Variants in CDH12 observed in about 807,000 individuals in gnomAD.
The protein encoded by CDH12 is cadherin-12.
CDH12 carries 41 observed loss-of-function variants against 74.1 expected under a neutral mutation model. The ratio of observed to expected loss-of-function variants is 0.55; its 90% CI spans 0.43 to 0.72. The LOEUF (loss-of-function observed/expected upper bound fraction) is 0.72, where lower values mean the gene tolerates loss of function less well. CDH12 is among the 30% of genes least tolerant of loss of function. The probability of loss-of-function intolerance (pLI) is 0.00; values close to 1 mark genes in which losing one functional copy is unlikely to be tolerated. For synonymous variants in CDH12, 399 were observed against 355.0 expected, an observed-to-expected ratio of 1.12 and a Z score of -1.39; for missense variants, 945 against 977.2, an observed-to-expected ratio of 0.97 and a Z score of 0.44.
intron 5 of CDH12, among the ~76,000 whole-genome samples, chr5:21,977,282 TG>T (rs1757109889): frequency 6.6e-6 from 1 of 152,050 alleles, no homozygotes; most frequent in Admixed American, 6.6e-5. Flanking sequence ...AAAAAACTGC[TG>T]TGAAGCATAG....
At chr5:21,791,032 C>T (rs6451996) in intron 10 of CDH12, among the ~76,000 whole-genome samples, 147,259 of 152,014 alleles carry the variant, frequency 0.97, 71,348 homozygotes, top group East Asian at 1. Flanking sequence ...CTGCATGATA[C>T]CCTCCAACAA....
chr5:22,056,786 C>G (rs1180398379), intron 5 of CDH12, among the ~76,000 whole-genome samples: 1 of 152,222 alleles, frequency 6.6e-6, no homozygotes, highest in Admixed American at 6.5e-5. Flanking sequence ...CCCATGATAA[C>G]CTTATGGTTT....
chr5:22,416,220 G>A (rs1378231971), intron 2 of CDH12, among the ~76,000 whole-genome samples: 1 of 150,480 alleles, frequency 6.6e-6, no homozygotes, highest in Middle Eastern at 3.2e-3. Context: ...GACTACAGGC[G>A]CCCGCCACCA....
At chr5:22,192,988 GA>G (rs1052394302) in intron 4 of CDH12, among the ~76,000 whole-genome samples, 2 of 151,922 alleles carry the variant, frequency 1.3e-5, no homozygotes, top group South Asian at 4.1e-4. Context: ...AAGGAAGTCG[GA>G]AAAAAACTGA....
At chr5:22,484,230 T>C (rs1746498125) in intron 2 of CDH12, among the ~76,000 whole-genome samples, 1 of 152,210 alleles carries the variant, frequency 6.6e-6, no homozygotes, top group Non-Finnish European at 1.5e-5. Context: ...AATATATTTA[T>C]GCTAAATTAG....
At chr5:22,161,712 A>T (rs976959485) in intron 4 of CDH12, among the ~76,000 whole-genome samples, 2 of 148,402 alleles carry the variant, frequency 1.3e-5, no homozygotes, top group Non-Finnish European at 3.0e-5. Context: ...GGAAAGAAGG[A>T]AAAAAGATGG....
Position 21,751,903 on chromosome 5 carries a change from G to C in CDH12, c.2219C>G (p.Ala740Gly). The C allele has an allele frequency of 6.2e-7, 1 of 1,614,046 alleles. No individual in the cohort carries two copies. The highest frequency in any genetic ancestry group is 8.5e-7 in the Non-Finnish European group (1 of 1,180,002). The change falls in exon 15 of 15, where the codon GCC becomes GGC. Residue 740 changes from alanine to glycine, a missense_variant. Physicochemically the swap from Ala to Gly is moderately conservative, Grantham distance 60 (BLOSUM62 0). This residue lies in a region of CDH12 where 791 missense variants were observed against 792.8 expected (regional missense o/e 1.00). Transcript: ENST00000382254. ...APPYDSLATY[A>G]YEGSGSVAES... is the part of the protein sequence containing the mutation. ...TGCCACGGACCCACTCCCTTCGTAG[G>C]CATATGTGGCCAGTGAATCGTATGG...
intron 4 of CDH12, among the ~76,000 whole-genome samples, chr5:22,119,496 G>T (rs574077367): frequency 6.6e-6 from 1 of 151,946 alleles, no homozygotes; most frequent in East Asian, 1.9e-4. Context: ...CACCATGTTG[G>T]CCAGGCTGGT....
intron 1 of CDH12, among the ~76,000 whole-genome samples, chr5:22,781,467 T>A (rs1747379721): frequency 6.6e-6 from 1 of 152,150 alleles, no homozygotes; most frequent in Non-Finnish European, 1.5e-5. Flanking sequence ...GCTCTGCAGT[T>A]ACTAAGCCAA....
At chr5:22,036,262 T>C (rs1489005761) in intron 5 of CDH12, among the ~76,000 whole-genome samples, 1 of 152,160 alleles carries the variant, frequency 6.6e-6, no homozygotes, top group Non-Finnish European at 1.5e-5. Flanking sequence ...CTAAGGGTCA[T>C]GTGAAATGCT....
intron 1 of CDH12, among the ~76,000 whole-genome samples, chr5:22,797,122 G>A (rs1297631201): frequency 6.6e-6 from 1 of 150,554 alleles, no homozygotes; most frequent in African/African-American, 2.4e-5. Context: ...TCGGAGGGGG[G>A]CATTTGGGAG....
rs1416834986 is a variant in CDH12 at position 22,529,184 on chromosome 5, TATATAGAG to T, written c.-522-23828_-522-23821del. 7.4e-3 allele frequency among the ~76,000 whole-genome samples: 622 copies of T among 83,622 alleles called. 15 individuals are homozygous for T. Among genetic ancestry groups the T allele is most frequent in the Middle Eastern group, 0.026 (4 of 154 alleles). 54.9% of individuals were successfully genotyped at this position (83,622 alleles called of 152,430 possible). A position where few individuals can be genotyped will look rare whatever the true frequency, so the allele number is the denominator to read the frequency against. ...ACATGTGTATATATATATATATATA[TATATAGAG>T]AGAGAGAGAGAGAGAGAGAGAGAGA... On this transcript the variant is annotated intron_variant, in intron 1 of 14. Transcript: ENST00000382254.
chr5:22,321,196 G>C (rs1738862241), intron 3 of CDH12, among the ~76,000 whole-genome samples: 1 of 151,792 alleles, frequency 6.6e-6, no homozygotes, highest in South Asian at 2.1e-4. Context: ...ACATGCACAC[G>C]TTGTTTATTG....
chr5:22,580,484 C>A, intron 1 of CDH12: 2 of 492,452 alleles, frequency 4.1e-6, no homozygotes, highest in Admixed American at 2.2e-5. Flanking sequence ...ACAAGTCATA[C>A]TTATGGCTTG....
rs549428916 is a variant in CDH12 at position 22,684,372 on chromosome 5, C to T, written c.-523+168686G>A. Among the ~76,000 whole-genome samples the T allele has an allele frequency of 6.6e-5, 10 of 152,088 alleles. No homozygotes were observed. In the South Asian group the frequency reaches 1.9e-3, roughly 29 times the overall value. ...TTAAGTTGTTATTGAATATAGTCAC[C>T]CCTGGATTTTGACTATCAAATTTAA... On this transcript the variant is annotated intron_variant, in intron 1 of 14. Transcript: ENST00000382254.
chr5:22,238,540 AG>A (rs1451828526), intron 3 of CDH12, among the ~76,000 whole-genome samples: 3 of 152,206 alleles, frequency 2.0e-5, no homozygotes, highest in Non-Finnish European at 4.4e-5. Flanking sequence ...TTACTATGAG[AG>A]CAAGTCTAAA....
At chr5:22,149,576 T>G (rs1747431556) in intron 4 of CDH12, among the ~76,000 whole-genome samples, 1 of 152,260 alleles carries the variant, frequency 6.6e-6, no homozygotes, top group Admixed American at 6.5e-5. Context: ...TTCTGCTTCC[T>G]GAACCTCTAG....
At chr5:21,826,764 T>C (rs990580706) in intron 8 of CDH12, among the ~76,000 whole-genome samples, 1 of 152,200 alleles carries the variant, frequency 6.6e-6, no homozygotes, top group Non-Finnish European at 1.5e-5. Flanking sequence ...CAACCACTTA[T>C]ATAGTGCTTT....
chr5:22,330,008 G>A (rs1253304034), intron 3 of CDH12, among the ~76,000 whole-genome samples: 1 of 152,202 alleles, frequency 6.6e-6, no homozygotes, highest in Non-Finnish European at 1.5e-5. Context: ...GTGACCTATG[G>A]AGACACCAGC....
Sources: allele counts gnomAD v4.1 joint callset (sites outside exome capture counted in the v4.1 genomes callset), GRCh38; gene constraint gnomAD v4.1.1; regional missense constraint gnomAD v4.1.1; transcripts MANE v1.5; gene names NCBI Gene and HGNC (gene_info 2026-07-23, HGNC 2026-07-21).